Variants in WSCD2 observed in about 807,000 individuals in gnomAD.
WSCD2 encodes the protein WSC domain sialate O sulfotransferase 2.
A neutral mutation model predicts 55.7 loss-of-function variants in WSCD2; 28 were observed. The observed-to-expected ratio is 0.50, with a 90% CI of 0.37 to 0.69. The LOEUF is 0.69. Among genes scored for constraint, WSCD2 ranks in the 30% least tolerant of loss-of-function variants. The pLI, the probability that WSCD2 is intolerant of heterozygous loss-of-function variation, is 0.00. For missense variants in WSCD2, 616 were observed against 762.1 expected (o/e 0.81, Z 2.26); for synonymous variants, 301 against 301.9 (o/e 1.00, Z 0.03).
chr12:108,198,898 C>T (rs1316750560), intron 2 of WSCD2, among the ~76,000 whole-genome samples: 5 of 152,146 alleles, frequency 3.3e-5, no homozygotes, highest in Non-Finnish European at 5.9e-5. Context: ...AATCACTTAC[C>T]GTAGTTTACA....
rs1426355 is a variant in WSCD2, at chr12:108,196,188, T to C, written c.356T>C (p.Val119Ala). 6.1e-4 allele frequency: 977 copies of C among 1,613,056 alleles called. 4 individuals are homozygous for C. In the African/African-American group the frequency reaches 0.012, roughly 19 times the overall value. Residue 119 changes from valine to alanine, a missense_variant, in exon 2 of 9, where the codon GTT becomes GCT. Val to Ala is a moderately conservative substitution (Grantham distance 64). This residue lies in a region of WSCD2 where 374 missense variants were observed against 467.4 expected (regional missense o/e 0.80). Coordinates refer to ENST00000547525, the MANE Select transcript of WSCD2 (RefSeq NM_014653.4). ...GAWSRALKGR[V>A]VREKEEERAK... ...TGGAGCCGAGCCCTCAAGGGGAGGG[T>C]TGTCCGGGAGAAGGAGGAAGAGCGA...
At position 108,247,999 on chromosome 12, in the gene WSCD2, G is replaced by C. The variant is rs1376834337; in HGVS notation, c.1354G>C (p.Glu452Gln). 2 of 1,611,778 alleles carry C rather than the reference G, an allele frequency of 1.2e-6. No individual in the cohort carries two copies. The highest frequency in any genetic ancestry group is 1.7e-6 in the Non-Finnish European group (2 of 1,178,050). The part of the protein sequence containing the change: ...HAHWKGKEWP[E>Q]FVRNYAPWWA... ...TTCTCCTCTCTCTGCAGAGTGGCCAGAGTTCGTGAGGAACTATGCCCCGTG... is the reference window on the plus strand; with the variant it reads ...TTCTCCTCTCTCTGCAGAGTGGCCACAGTTCGTGAGGAACTATGCCCCGTG... The change falls in exon 9 of 9, where the codon GAG (glutamate) becomes CAG (glutamine). Residue 452 changes from glutamate to glutamine, a missense_variant. Physicochemically the swap from Glu to Gln is conservative, Grantham distance 29. Coordinates refer to ENST00000547525, the MANE Select transcript of WSCD2 (RefSeq NM_014653.4).
chr12:108,205,095 C>T (rs145181692), intron 2 of WSCD2, among the ~76,000 whole-genome samples: 346 of 152,306 alleles, frequency 2.3e-3, no homozygotes, highest in South Asian at 8.1e-3. Flanking sequence ...CTTCACCTTT[C>T]TGGGCCGCTG....
intron 1 of WSCD2, among the ~76,000 whole-genome samples, chr12:108,159,534 T>C (rs1878853953): frequency 1.3e-5 from 2 of 152,226 alleles, no homozygotes; most frequent in African/African-American, 4.8e-5. Context: ...CTTGCTCATC[T>C]CTGCATCCCC....
chr12:108,225,119 T>C (rs1347583474), intron 5 of WSCD2, among the ~76,000 whole-genome samples: 1 of 152,222 alleles, frequency 6.6e-6, no homozygotes, highest in Non-Finnish European at 1.5e-5. Context: ...ATTAGTCCAT[T>C]TTCATACTGA....
chr12:108,210,282 T>A lies in WSCD2; in HGVS notation c.659T>A (p.Leu220Gln). 6.2e-7 allele frequency: 1 copy of A among 1,600,266 alleles called. No individual in the cohort carries two copies. Among genetic ancestry groups the A allele is most frequent in the East Asian group, 2.3e-5 (1 of 44,068 alleles). Reference sequence around the variant, plus strand: ...CGCCTCTCTGTCTACCGGCTGCAGCTGGCCCAGGAGTCGGCCCGCAGGTGT... The same window carrying A: ...CGCCTCTCTGTCTACCGGCTGCAGCAGGCCCAGGAGTCGGCCCGCAGGTGT... ...ANRLSVYRLQ[L>Q]AQESARRYGS... is the part of the protein sequence containing the mutation. The change falls in exon 4 of 9, where the codon CTG (leucine) becomes CAG (glutamine). Residue 220 changes from leucine (L) to glutamine (Q), a missense_variant. Around this residue, in one of 3 missense-constraint regions of WSCD2, gnomAD observed 374 missense variants for 467.4 expected, o/e 0.80. Coordinates refer to ENST00000547525, the MANE Select transcript of WSCD2 (RefSeq NM_014653.4). This position sits in a 1 kb window ranked among gnomAD's most constrained non-coding sequence, Gnocchi z 4.3.
intron 1 of WSCD2, among the ~76,000 whole-genome samples, chr12:108,176,282 C>T (rs774026369): frequency 6.6e-6 from 1 of 151,952 alleles, no homozygotes; most frequent in Non-Finnish European, 1.5e-5. Flanking sequence ...ACAAATGTTC[C>T]ATCACCCTCA....
At chr12:108,225,050 G>C (rs1299835766) in intron 5 of WSCD2, among the ~76,000 whole-genome samples, 190 bp downstream of exon 5, 1 of 134,968 alleles carries the variant, frequency 7.4e-6, no homozygotes, top group Non-Finnish European at 1.6e-5. Flanking sequence ...ACACAGAATA[G>C]ATTTTCCTGC....
At chr12:108,157,201 A>C (rs1878605475) in intron 1 of WSCD2, among the ~76,000 whole-genome samples, 1 of 152,264 alleles carries the variant, frequency 6.6e-6, no homozygotes, top group African/African-American at 2.4e-5. Flanking sequence ...TTACAGAAAA[A>C]TTGAGTAGCA....
chr12:108,248,224 G>C lies in WSCD2; in HGVS notation c.1579G>C (p.Glu527Gln). ...NFKRSGLRKLEYDPYTADMQK... is the reference protein window; with the variant it reads ...NFKRSGLRKLQYDPYTADMQK... Reference sequence around the variant, plus strand: ...CAAGCGCTCAGGGCTCCGGAAGCTCGAGTATGACCCCTATACTGCGGACAT... The same window carrying C: ...CAAGCGCTCAGGGCTCCGGAAGCTCCAGTATGACCCCTATACTGCGGACAT... The change falls in exon 9 of 9, where the codon GAG becomes CAG. Residue 527 changes from glutamate to glutamine, a missense_variant. Physicochemically the swap from Glu to Gln is conservative, Grantham distance 29. Coordinates refer to ENST00000547525, the MANE Select transcript of WSCD2 (RefSeq NM_014653.4). This position sits in a 1 kb window ranked among gnomAD's most constrained non-coding sequence, Gnocchi z 4.3. The C allele has an allele frequency of 6.2e-7, 1 of 1,614,204 alleles. No homozygotes were observed.
intron 7 of WSCD2, 145 bp from the exon 8 acceptor site, chr12:108,240,199 T>G: frequency 1.0e-6 from 1 of 986,172 alleles, no homozygotes; most frequent in Admixed American, 2.1e-5. Context: ...GCACAGTGCC[T>G]GGCACATAGT....
rs1890255225 is a variant in WSCD2, at chr12:108,248,627, C to A, written c.*284C>A. 1 of 1,154,656 alleles carries A rather than the reference C, an allele frequency of 8.7e-7. No individual in the cohort carries two copies. Among genetic ancestry groups the A allele is most frequent in the Non-Finnish European group, 1.1e-6 (1 of 933,004 alleles). 71.5% of individuals were successfully genotyped at this position (1,154,656 alleles called of 1,614,324 possible). ...CTCTTTTCTGTCTCCTGGGTCCCTG[C>A]CCCCACCACTCTGGGTTCCATTTGT... On this transcript the variant is annotated 3_prime_UTR_variant, in exon 9 of 9. Transcript: ENST00000547525. The surrounding 1 kb of genome is among the most constrained non-coding windows in gnomAD (Gnocchi z 4.3).
At chr12:108,141,298 A>G (rs1398178835) in intron 1 of WSCD2, among the ~76,000 whole-genome samples, 2 of 152,120 alleles carry the variant, frequency 1.3e-5, no homozygotes, top group Non-Finnish European at 2.9e-5. Flanking sequence ...ATAGAGTCTC[A>G]CTATATTGCC....
chr12:108,247,937 G>A (rs989670261), intron 8 of WSCD2, 54 bp from the exon 9 acceptor site: 44 of 1,562,710 alleles, frequency 2.8e-5, no homozygotes, highest in Non-Finnish European at 3.6e-5. Context: ...CCATCTGACT[G>A]GGTCTTTCAA....
chr12:108,154,714 T>A lies in WSCD2; in HGVS notation c.-552+24788T>A, dbSNP rs558125840. Among the ~76,000 whole-genome samples, 15 of 152,294 alleles carry A rather than the reference T, an allele frequency of 9.8e-5. 1 individual carries two copies. The South Asian group carries it at 2.5e-3, about 25-fold the overall frequency. On this transcript the variant is annotated intron_variant, in intron 1 of 8. Coordinates refer to ENST00000547525, the MANE Select transcript of WSCD2 (RefSeq NM_014653.4). ...GTCCAGAATCACCTCCATTAACATT[T>A]CTTTTTCGGATTAATAATGTCCACA...
chr12:108,144,218 C>T (rs73199508), intron 1 of WSCD2, among the ~76,000 whole-genome samples: 7,430 of 152,226 alleles, frequency 0.049, 247 homozygotes, highest in Non-Finnish European at 0.075. Context: ...ACGTTGAGAG[C>T]TCGTGTTATG....
At chr12:108,196,888 C>A (rs1349673691) in intron 2 of WSCD2, 1 of 152,196 alleles carries the variant, frequency 6.6e-6, no homozygotes, top group Non-Finnish European at 1.5e-5. Context: ...TAAACAAGGC[C>A]CCTATTATCC....
chr12:108,234,474 T>A (rs1889092856), intron 7 of WSCD2, among the ~76,000 whole-genome samples: 1 of 152,224 alleles, frequency 6.6e-6, no homozygotes, highest in African/African-American at 2.4e-5. Flanking sequence ...GCTTTTTATA[T>A]ATTTATTAAT....
At chr12:108,132,608 C>T (rs7952818) in intron 1 of WSCD2, among the ~76,000 whole-genome samples, 34,448 of 151,990 alleles carry the variant, frequency 0.23, 4,094 homozygotes, top group African/African-American at 0.28. Context: ...GTGAATGTTA[C>T]GCAGTTGTAT....
Sources: gnomAD v4.1 joint callset for allele counts (sites outside exome capture counted in the v4.1 genomes callset) on GRCh38, gnomAD v4.1.1 for gene constraint, gnomAD v4.1.1 regional missense constraint, Gnocchi (gnomAD v3.1) non-coding constraint, MANE v1.5 for transcripts, NCBI Gene and HGNC (gene_info 2026-07-23, HGNC 2026-07-21) for gene names.